ZFX: variants seen among roughly 807,000 people sequenced by gnomAD.
The protein encoded by ZFX is zinc finger X-chromosomal protein.
For missense variants in ZFX, 362 were observed against 628.3 expected, an observed-to-expected ratio of 0.58 and a Z score of 4.53; for synonymous variants, 196 against 226.8, an observed-to-expected ratio of 0.86 and a Z score of 1.22.
At chrX:24,192,868 C>T (rs150749492) in intron 5 of ZFX, among the ~76,000 whole-genome samples, 2,064 of 103,491 alleles carry the variant, frequency 0.02, 53 homozygotes, top group African/African-American at 0.071. Flanking sequence ...CATTCCAGCC[C>T]GGGTGACAGA....
intron 1 of ZFX, chrX:24,150,104 C>T (rs1405440870): frequency 1.0e-5 from 1 of 96,101 alleles, no homozygotes; most frequent in Non-Finnish European, 2.0e-5. Context: ...TGAGGCCTGG[C>T]GAGGAGGCGA....
chrX:24,164,417 A>G (rs997407704), intron 3 of ZFX, among the ~76,000 whole-genome samples: 1 of 112,194 alleles, frequency 8.9e-6, no homozygotes, highest in African/African-American at 3.2e-5. Context: ...CCAGTGTTAT[A>G]TTCTTGCCAG....
intron 5 of ZFX, among the ~76,000 whole-genome samples, chrX:24,193,716 A>T (rs1020701513): frequency 1.8e-5 from 2 of 112,204 alleles, no homozygotes; most frequent in Non-Finnish European, 3.8e-5. Context: ...ATCTTCAGGT[A>T]TCATGAGGGA....
At chrX:24,154,753 T>C (rs138302246) in intron 3 of ZFX, among the ~76,000 whole-genome samples, 1 of 112,048 alleles carries the variant, frequency 8.9e-6, no homozygotes, top group Non-Finnish European at 1.9e-5. Context: ...CCACTTGTTT[T>C]ACTATTTTTT....
chrX:24,164,797 C>T (rs757168308), intron 3 of ZFX, among the ~76,000 whole-genome samples: 3 of 109,427 alleles, frequency 2.7e-5, no homozygotes, highest in Non-Finnish European at 5.7e-5. Flanking sequence ...ATTAGCCAGG[C>T]GTGGTGGTGC....
intron 5 of ZFX, among the ~76,000 whole-genome samples, chrX:24,193,334 C>T (rs1281032352): frequency 8.9e-6 from 1 of 111,782 alleles, no homozygotes; most frequent in Non-Finnish European, 1.9e-5. Flanking sequence ...AGAAGCCAGG[C>T]GAAAAAGACC....
chrX:24,197,628 T>G (rs185988445), intron 5 of ZFX, among the ~76,000 whole-genome samples: 1 of 112,003 alleles, frequency 8.9e-6, no homozygotes, highest in African/African-American at 3.2e-5. Context: ...AGAAAAATAT[T>G]TATAATGGGA....
At chrX:24,163,658 A>G (rs1377706148) in intron 3 of ZFX, among the ~76,000 whole-genome samples, 2 of 106,257 alleles carry the variant, frequency 1.9e-5, no homozygotes, top group Non-Finnish European at 3.9e-5. Flanking sequence ...GATTACAGGC[A>G]TTAGTCACCA....
chrX:24,189,799 G>A (rs1185081139), intron 5 of ZFX, among the ~76,000 whole-genome samples: 1 of 111,123 alleles, frequency 9.0e-6, no homozygotes, highest in African/African-American at 3.3e-5. Context: ...ATAGTTTATT[G>A]ATTGATTCTA....
chrX:24,162,368 C>T (rs1050089786), intron 3 of ZFX, among the ~76,000 whole-genome samples: 1 of 112,067 alleles, frequency 8.9e-6, no homozygotes, highest in African/African-American at 3.2e-5. Context: ...GAATTCATAC[C>T]GATAATAGTT....
chrX:24,153,815 T>A (rs1462406320), intron 3 of ZFX, among the ~76,000 whole-genome samples: 1 of 111,583 alleles, frequency 9.0e-6, no homozygotes, highest in Non-Finnish European at 1.9e-5. Flanking sequence ...TGGACCATTA[T>A]CTCTCAAAGC....
chrX:24,153,754 A>G (rs777735305), intron 3 of ZFX, among the ~76,000 whole-genome samples: 8 of 111,528 alleles, frequency 7.2e-5, no homozygotes, highest in Non-Finnish European at 1.5e-4. Flanking sequence ...TACACTGTGA[A>G]TATAGAGACA....
chrX:24,177,172 T>A (rs1935223863), intron 4 of ZFX, among the ~76,000 whole-genome samples: 1 of 112,179 alleles, frequency 8.9e-6, no homozygotes, highest in Non-Finnish European at 1.9e-5. Context: ...GACCTCGGGA[T>A]CTGCCCACTT....
At chrX:24,207,268 T>A (rs746774746) in intron 5 of ZFX, 58 bp from the exon 6 acceptor site, 101 of 815,148 alleles carry the variant, frequency 1.2e-4, no homozygotes, top group Non-Finnish European at 1.5e-4. Flanking sequence ...TTTTTGCGAA[T>A]AGTAACATTT....
In ZFX at chrX:24,159,674, A is replaced by G. The variant is rs1000851762; in HGVS notation, c.-29+6844A>G. On this transcript the variant is annotated intron_variant, in intron 3 of 9. Transcript: ENST00000304543. ...GTTTTTAGTAGAGATGGGTTTCACC[A>G]TGTTGGCCAGGCCTCAGGTCTGGTC... Among the ~76,000 whole-genome samples the G allele has an allele frequency of 4.5e-5, 5 of 111,232 alleles. No homozygotes were observed. In the East Asian group the frequency reaches 1.1e-3, roughly 25 times the overall value.
At chrX:24,152,468 G>A (rs1295564389) in intron 2 of ZFX, among the ~76,000 whole-genome samples, 1 of 111,445 alleles carries the variant, frequency 9.0e-6, no homozygotes, top group Non-Finnish European at 1.9e-5. Context: ...ACCTTTAGGT[G>A]GCATAGATAC....
rs1937844204 is a variant in ZFX at position 24,209,086 on chromosome X, C to G, written c.1234+46C>G. 3.3e-6 allele frequency: 4 copies of G among 1,210,908 alleles called. No homozygotes were observed. The East Asian group carries it at 8.9e-5, about 27-fold the overall frequency. On this transcript the variant is annotated intron_variant, in intron 9 of 9. Coordinates refer to ENST00000304543, the MANE Select transcript of ZFX (RefSeq NM_003410.4). ...TGGCGCAGCGTGCTCTGCGAGCTCTCAGAGGAAACTCTAGTATGTATCCAC... is the reference window on the plus strand; with the variant it reads ...TGGCGCAGCGTGCTCTGCGAGCTCTGAGAGGAAACTCTAGTATGTATCCAC...
At chrX:24,163,974 GT>G (rs747893896) in intron 3 of ZFX, among the ~76,000 whole-genome samples, 3,426 of 94,569 alleles carry the variant, frequency 0.036, 68 homozygotes, top group African/African-American at 0.072. Context: ...CTTTTTTTCT[GT>G]TTTTTTTTTT....
chrX:24,153,264 C>T (rs1932412842), intron 3 of ZFX, among the ~76,000 whole-genome samples: 3 of 111,941 alleles, frequency 2.7e-5, no homozygotes, highest in Admixed American at 1.9e-4. Flanking sequence ...TTTCACTTCA[C>T]TGAGAAGGGT....
Sources: gnomAD v4.1 joint callset for allele counts (sites outside exome capture counted in the v4.1 genomes callset) on GRCh38, gnomAD v4.1.1 for gene constraint, MANE v1.5 for transcripts, NCBI Gene and HGNC (gene_info 2026-07-23, HGNC 2026-07-21) for gene names.